Variants in STK39 observed in about 807,000 individuals in gnomAD.
The protein encoded by STK39 is serine/threonine kinase 39.
A neutral mutation model predicts 77.8 loss-of-function variants in STK39; 20 were observed. The ratio of observed to expected loss-of-function variants is 0.26; its 90% CI spans 0.18 to 0.37. The LOEUF is 0.37. Ranked by LOEUF, STK39 falls within the 10% of genes least tolerant of loss-of-function variation. STK39 has a pLI of 1.00. For synonymous variants in STK39, 246 were observed against 234.1 expected, an observed-to-expected ratio of 1.05 and a Z score of -0.47; for missense variants, 479 against 656.5, an observed-to-expected ratio of 0.73 and a Z score of 2.95.
At chr2:168,189,596 T>C (rs1264658657) in intron 1 of STK39, among the ~76,000 whole-genome samples, 3 of 152,176 alleles carry the variant, frequency 2.0e-5, no homozygotes, top group African/African-American at 7.2e-5. Flanking sequence ...GAGTTGCATG[T>C]GTGAGATAAG....
intron 12 of STK39, among the ~76,000 whole-genome samples, chr2:168,074,525 C>T (rs191796252): frequency 9.2e-5 from 14 of 152,280 alleles, no homozygotes; most frequent in African/African-American, 3.4e-4. Flanking sequence ...GATTTAAAAA[C>T]CAAGACCAAC....
At chr2:168,063,635 A>G (rs1199188435) in intron 13 of STK39, 65 bp from the exon 14 acceptor site, 17 of 1,408,252 alleles carry the variant, frequency 1.2e-5, no homozygotes, top group East Asian at 2.3e-5. Flanking sequence ...TAAAATCACA[A>G]TATCACTTGA....
At chr2:168,106,411 T>C (rs958661336) in intron 10 of STK39, among the ~76,000 whole-genome samples, 5 of 152,224 alleles carry the variant, frequency 3.3e-5, no homozygotes, top group African/African-American at 1.2e-4. Context: ...CTTGTGTTAC[T>C]GTTATAGCTA....
At chr2:168,057,288 G>A (rs970246665) in intron 14 of STK39, among the ~76,000 whole-genome samples, 2 of 152,156 alleles carry the variant, frequency 1.3e-5, no homozygotes, top group Non-Finnish European at 2.9e-5. Flanking sequence ...CACCTCCCGT[G>A]TTCTAGCAAT....
intron 16 of STK39, among the ~76,000 whole-genome samples, chr2:167,998,282 T>C (rs923131439): frequency 1.3e-5 from 2 of 152,226 alleles, no homozygotes; most frequent in South Asian, 2.1e-4. Flanking sequence ...ATTCTGAACA[T>C]GAAACCACTT....
chr2:168,124,690 C>T (rs1022616996), intron 10 of STK39, among the ~76,000 whole-genome samples: 4 of 152,070 alleles, frequency 2.6e-5, no homozygotes, highest in East Asian at 1.9e-4. Context: ...TGAGCCACTG[C>T]GCCCAACCCA....
chr2:168,032,510 C>T (rs1021882232), intron 14 of STK39, among the ~76,000 whole-genome samples: 2 of 152,172 alleles, frequency 1.3e-5, no homozygotes, highest in African/African-American at 4.8e-5. Context: ...AATGACTGTC[C>T]TTTACCTAAA....
rs1259486917 is a variant in STK39, at chr2:167,964,712, G to A, written c.1513C>T (p.Gln505Ter). 1.2e-6 allele frequency: 2 copies of A among 1,610,758 alleles called. No individual in the cohort carries two copies. The highest frequency in any genetic ancestry group is 1.7e-6 in the Non-Finnish European group (2 of 1,178,704). ...HDVVIVAANL[Q>*]KIVDDPKALK... is the part of the protein sequence containing the mutation. The stretch of plus-strand genomic sequence containing the variant: ...GCTTTGGGATCATCTACAATCTTCT[G>A]TAAATTAGCAGCCACTGTAAAATAT... The change falls in exon 17 of 18, where the codon CAG (glutamine) becomes TAG (stop). Residue 505 changes from glutamine (Q) to a stop codon, truncating the protein, a stop_gained. Transcript: ENST00000355999. LOFTEE classifies it high-confidence loss of function.
rs534115047 is a variant in STK39, at chr2:168,119,225, C to T, written c.1089+10316G>A. On this transcript the variant is annotated intron_variant, in intron 10 of 17. Coordinates refer to ENST00000355999, the MANE Select transcript of STK39 (RefSeq NM_013233.3). ...ATCACTGGGAGTATTTTATATTAAACCCATAATATGCACGGTAACTGCGGA... is the reference window on the plus strand; with the variant it reads ...ATCACTGGGAGTATTTTATATTAAATCCATAATATGCACGGTAACTGCGGA... Among the ~76,000 whole-genome samples the T allele has an allele frequency of 3.2e-4, 48 of 152,252 alleles. 1 individual carries two copies. Among genetic ancestry groups the T allele is most frequent in the Non-Finnish European group, 6.3e-4 (43 of 68,020 alleles).
chr2:167,957,015 T>G (rs960157868), intron 17 of STK39, among the ~76,000 whole-genome samples: 13 of 151,374 alleles, frequency 8.6e-5, no homozygotes, highest in African/African-American at 3.2e-4. Flanking sequence ...TACTATACTG[T>G]TTTTTGAACT....
intron 1 of STK39, among the ~76,000 whole-genome samples, chr2:168,200,267 G>C (rs1031940521): frequency 2.6e-5 from 4 of 152,178 alleles, no homozygotes; most frequent in African/African-American, 9.7e-5. Context: ...ATTAGCCTTA[G>C]GGATCAGCAC....
intron 5 of STK39, among the ~76,000 whole-genome samples, chr2:168,156,102 A>G (rs1241615556): frequency 6.6e-6 from 1 of 152,214 alleles, no homozygotes; most frequent in East Asian, 1.9e-4. Flanking sequence ...GAGTATGGCC[A>G]GAACCCTTGC....
chr2:168,087,769 G>A (rs1433652427), intron 10 of STK39, among the ~76,000 whole-genome samples: 1 of 152,102 alleles, frequency 6.6e-6, no homozygotes, highest in East Asian at 1.9e-4. Context: ...ATAAACAAAA[G>A]GCAAATTAGC....
In STK39 at chr2:168,113,672, T is replaced by A. The variant is rs115259950; in HGVS notation, c.1089+15869A>T. On this transcript the variant is annotated intron_variant, in intron 10 of 17. Coordinates refer to ENST00000355999, the MANE Select transcript of STK39 (RefSeq NM_013233.3). The stretch of plus-strand genomic sequence containing the variant: ...CAACAAGGAGACAAGACACAGAGGC[T>A]GTCTCAGTCACTCGCACCACTCTCA... Among the ~76,000 whole-genome samples, 897 of 152,312 alleles carry A rather than the reference T, an allele frequency of 5.9e-3. 11 individuals carry two copies. The highest frequency in any genetic ancestry group is 0.021 in the African/African-American group (854 of 41,554).
chr2:167,986,550 G>A (rs75872874), intron 16 of STK39, among the ~76,000 whole-genome samples: 4,788 of 152,218 alleles, frequency 0.031, 244 homozygotes, highest in East Asian at 0.21. Context: ...TAAAGAGAGA[G>A]GATACCAATT....
At chr2:167,956,704 T>TCA (rs1691786226) in intron 17 of STK39, among the ~76,000 whole-genome samples, 1 of 31,344 alleles carries the variant, frequency 3.2e-5, no homozygotes, top group African/African-American at 1.0e-4. Flanking sequence ...ACACTCTCTC[T>TCA]CTCTCTCTCT....
intron 16 of STK39, among the ~76,000 whole-genome samples, chr2:167,982,051 G>T (rs191647788): frequency 2.6e-5 from 4 of 152,202 alleles, no homozygotes; most frequent in Admixed American, 6.5e-5. Context: ...GATACAGTTC[G>T]TGGAGTCATT....
intron 14 of STK39, among the ~76,000 whole-genome samples, chr2:168,037,280 C>T (rs1684981145): frequency 6.6e-6 from 1 of 152,136 alleles, no homozygotes; most frequent in Admixed American, 6.5e-5. Flanking sequence ...GCAAAGATTA[C>T]AAAATGATAA....
At chr2:168,107,197 AG>A (rs1686997995) in intron 10 of STK39, among the ~76,000 whole-genome samples, 1 of 152,224 alleles carries the variant, frequency 6.6e-6, no homozygotes, top group African/African-American at 2.4e-5. Flanking sequence ...TTTTATCCTC[AG>A]GTGTTATTCT....
Sources: allele counts gnomAD v4.1 joint callset (sites outside exome capture counted in the v4.1 genomes callset), GRCh38; gene constraint gnomAD v4.1.1; transcripts MANE v1.5; gene names NCBI Gene and HGNC (gene_info 2026-07-23, HGNC 2026-07-21).